ZMYM2: variants seen among roughly 807,000 people sequenced by gnomAD.
ZMYM2 encodes zinc finger MYM-type containing 2, also known as zinc finger MYM-type protein 2.
In ZMYM2, 56 loss-of-function variants were observed where a neutral mutation model predicts 162.8. That is an observed-to-expected ratio of 0.34 (90% confidence interval 0.28 to 0.43). ZMYM2 has a LOEUF of 0.43. Ranked by LOEUF, ZMYM2 falls within the 20% of genes least tolerant of loss-of-function variation. The pLI is 1.00. For synonymous variants in ZMYM2, 510 were observed against 541.6 expected (o/e 0.94, Z 0.81); for missense variants, 1,275 against 1,621.8 (o/e 0.79, Z 3.67).
chr13:19,910,532 C>CT, the ZMYM2 span, among the ~76,000 whole-genome samples: 14,574 of 143,750 alleles, frequency 0.1, 945 homozygotes, highest in Middle Eastern at 0.14. Context: ...TTCTCTCTCT[C>CT]TCTTTTTTTT....
chr13:19,993,363 C>T lies in ZMYM2; in HGVS notation c.291C>T (p.Ser97=). The T allele has an allele frequency of 1.9e-6, 3 of 1,613,504 alleles. No individual in the cohort carries two copies. Among genetic ancestry groups the T allele is most frequent in the Non-Finnish European group, 2.5e-6 (3 of 1,179,744 alleles). ...SKNEELQGND[S]KITPSSKELA... The stretch of plus-strand genomic sequence containing the variant: ...ATGAAGAACTACAAGGAAATGATTC[C>T]AAAATTACTCCTTCCTCAAAAGAGT... Residue 97 remains serine (S), a synonymous_variant, in exon 3 of 25, where the codon TCC becomes TCT. Transcript: ENST00000610343.
chr13:19,996,894 T>G (rs746534131), intron 3 of ZMYM2, among the ~76,000 whole-genome samples: 11 of 152,028 alleles, frequency 7.2e-5, no homozygotes, highest in Non-Finnish European at 1.6e-4. Context: ...CTAAAACAAA[T>G]AAAGAAAGCT....
At chr13:19,863,969 G>A in the ZMYM2 span, 2 of 152,134 alleles carry the variant, frequency 1.3e-5, no homozygotes, top group Admixed American at 6.5e-5. Context: ...GGCCCGCTTC[G>A]GCCCCTCGGG....
At chr13:19,866,931 G>T in the ZMYM2 span, among the ~76,000 whole-genome samples, 1 of 152,170 alleles carries the variant, frequency 6.6e-6, no homozygotes, top group African/African-American at 2.4e-5. Flanking sequence ...ATAATTTAAT[G>T]ACTTATTAAA....
In ZMYM2 at chr13:20,003,153, A is replaced by G. The variant is rs537709724; in HGVS notation, c.1133+18A>G. ...TGTAAAAAGTAAGGTTTACCTTTCA[A>G]CATAATTACATATAGTTGAATTTTG... On this transcript the variant is annotated intron_variant, in intron 4 of 24. Coordinates refer to ENST00000610343, the MANE Select transcript of ZMYM2 (RefSeq NM_197968.4). The G allele has an allele frequency of 1.7e-5, 28 of 1,600,628 alleles. No homozygotes were observed. In the African/African-American group the frequency reaches 2.0e-4, roughly 12 times the overall value.
At chr13:19,906,023 C>T in the ZMYM2 span, among the ~76,000 whole-genome samples, 1 of 151,590 alleles carries the variant, frequency 6.6e-6, no homozygotes, top group Non-Finnish European at 1.5e-5. Context: ...CACCTGTAAT[C>T]CCAGCACTTT....
the ZMYM2 span, among the ~76,000 whole-genome samples, chr13:19,871,368 AAAAG>A: frequency 1.3e-5 from 2 of 152,342 alleles, no homozygotes; most frequent in East Asian, 1.9e-4. Flanking sequence ...TATTGATAAA[AAAAG>A]AACAATTAAC....
At chr13:20,044,052 C>T (rs1954533332) in intron 12 of ZMYM2, among the ~76,000 whole-genome samples, 1 of 152,076 alleles carries the variant, frequency 6.6e-6, no homozygotes, top group Non-Finnish European at 1.5e-5. Flanking sequence ...TCAGACTGGC[C>T]TCTTCTTATG....
chr13:19,966,203 C>T (rs555547757), intron 2 of ZMYM2, among the ~76,000 whole-genome samples: 13 of 150,570 alleles, frequency 8.6e-5, no homozygotes, highest in East Asian at 5.9e-4. Context: ...GGTGCAATCT[C>T]GGCTCAACGC....
the ZMYM2 span, among the ~76,000 whole-genome samples, chr13:19,934,828 A>G: frequency 6.7e-6 from 1 of 148,838 alleles, no homozygotes; most frequent in South Asian, 2.1e-4. Flanking sequence ...GTCCAGTGGC[A>G]CCATCTTGGC....
the ZMYM2 span, among the ~76,000 whole-genome samples, chr13:19,871,486 C>T: frequency 8.5e-5 from 13 of 152,084 alleles, no homozygotes; most frequent in Admixed American, 3.3e-4. Context: ...CAGTAGCCAA[C>T]TCCTGTGCTC....
upstream of ZMYM2, among the ~76,000 whole-genome samples, chr13:19,955,790 A>G (rs1285177723): frequency 5.3e-5 from 8 of 152,112 alleles, no homozygotes; most frequent in Admixed American, 4.6e-4. Context: ...CCCAGCCACA[A>G]CAACTGTTTA....
At chr13:19,960,350 A>G (rs1328716446) in intron 2 of ZMYM2, among the ~76,000 whole-genome samples, 1 of 152,224 alleles carries the variant, frequency 6.6e-6, no homozygotes, top group South Asian at 2.1e-4. Context: ...GAGTTCCAAA[A>G]TGGGAATTAA....
At chr13:19,934,824 T>C in the ZMYM2 span, among the ~76,000 whole-genome samples, 3 of 151,250 alleles carry the variant, frequency 2.0e-5, no homozygotes, top group African/African-American at 7.3e-5. Context: ...TGGAGTCCAG[T>C]GGCACCATCT....
chr13:19,966,137 G>T (rs112883526), intron 2 of ZMYM2, among the ~76,000 whole-genome samples: 3,941 of 141,562 alleles, frequency 0.028, 115 homozygotes, highest in East Asian at 0.13. Context: ...TTTTTGTTTT[G>T]TTTTGTTTTG....
chr13:19,988,286 T>C (rs1949338435), intron 2 of ZMYM2, among the ~76,000 whole-genome samples: 2 of 152,232 alleles, frequency 1.3e-5, no homozygotes, highest in Non-Finnish European at 2.9e-5. Flanking sequence ...ACTTGGTTTA[T>C]GGTCAGAGAA....
chr13:19,937,285 C>A, the ZMYM2 span, among the ~76,000 whole-genome samples: 2 of 151,892 alleles, frequency 1.3e-5, no homozygotes, highest in African/African-American at 4.8e-5. Flanking sequence ...AGCACGCCAG[C>A]GCCACCATGC....
At chr13:19,907,700 T>C in the ZMYM2 span, among the ~76,000 whole-genome samples, 5 of 127,320 alleles carry the variant, frequency 3.9e-5, no homozygotes, top group African/African-American at 1.5e-4. Flanking sequence ...AATCGGAGGT[T>C]GCAGTGAGCC....
intron 2 of ZMYM2, among the ~76,000 whole-genome samples, chr13:19,960,416 C>T (rs1335821623): frequency 6.6e-6 from 1 of 152,202 alleles, no homozygotes; most frequent in East Asian, 1.9e-4. Context: ...CTTCCTTAAA[C>T]AATGGCTAAT....
Sources: gnomAD v4.1 joint callset for allele counts (sites outside exome capture counted in the v4.1 genomes callset) on GRCh38, gnomAD v4.1.1 for gene constraint, MANE v1.5 for transcripts, NCBI Gene and HGNC (gene_info 2026-07-23, HGNC 2026-07-21) for gene names.